The following NIPSNAP2 variants were observed in gnomAD, a reference collection of about 807,000 sequenced individuals.
The protein encoded by NIPSNAP2 is protein NipSnap homolog 2.
NIPSNAP2 carries 42 observed loss-of-function variants against 48.4 expected under a neutral mutation model. The ratio of observed to expected loss-of-function variants is 0.87; its 90% CI spans 0.68 to 1.12. NIPSNAP2 has a LOEUF of 1.12. Ranked by LOEUF, NIPSNAP2 falls within the 50% of genes most tolerant of loss-of-function variation. NIPSNAP2 has a pLI of 0.00. For missense variants in NIPSNAP2, 314 were observed against 347.3 expected, an observed-to-expected ratio of 0.90 and a Z score of 0.76; for synonymous variants, 158 against 126.6, an observed-to-expected ratio of 1.25 and a Z score of -1.67.
intron 1 of NIPSNAP2, among the ~76,000 whole-genome samples, chr7:55,976,870 G>C (rs1452794252): frequency 6.6e-6 from 1 of 152,066 alleles, no homozygotes; most frequent in Admixed American, 6.6e-5. Flanking sequence ...ACACCAGCCT[G>C]GGTGACAGGG....
At chr7:55,994,380 A>G (rs941127358) in intron 7 of NIPSNAP2, among the ~76,000 whole-genome samples, 1 of 152,234 alleles carries the variant, frequency 6.6e-6, no homozygotes, top group Non-Finnish European at 1.5e-5. Flanking sequence ...AAAAATTAGT[A>G]TAGCTACAGA....
chr7:55,997,913 A>G (rs1787595513), intron 9 of NIPSNAP2, among the ~76,000 whole-genome samples: 1 of 152,346 alleles, frequency 6.6e-6, no homozygotes. Context: ...GCATGTGCAC[A>G]TACATAAGTA....
At chr7:55,995,049 G>A (rs1787530441) in intron 8 of NIPSNAP2, 61 bp downstream of exon 8, 1 of 1,362,974 alleles carries the variant, frequency 7.3e-7, no homozygotes. Flanking sequence ...AGTTGTACTG[G>A]GAAGTAGAGC....
At chr7:55,967,632 A>T (rs1052975001) in intron 1 of NIPSNAP2, among the ~76,000 whole-genome samples, 1 of 142,708 alleles carries the variant, frequency 7.0e-6, no homozygotes, top group Non-Finnish European at 1.5e-5. Context: ...ATGCCCAGCT[A>T]TTATTTATTT....
intron 7 of NIPSNAP2, 141 bp from the exon 8 acceptor site, chr7:55,994,753 T>A: frequency 2.8e-6 from 2 of 704,240 alleles, no homozygotes; most frequent in South Asian, 3.4e-5. Flanking sequence ...TGATTTGCCT[T>A]AGATAACTTG....
At chr7:55,982,157 G>A in intron 4 of NIPSNAP2, 53 bp from the exon 5 acceptor site, 1 of 1,133,948 alleles carries the variant, frequency 8.8e-7, no homozygotes, top group Non-Finnish European at 1.3e-6. Context: ...ACATTTTCAA[G>A]TAGTAGTATC....
chr7:55,971,733 T>G (rs1157417158), intron 1 of NIPSNAP2, among the ~76,000 whole-genome samples: 1 of 152,154 alleles, frequency 6.6e-6, no homozygotes, highest in Non-Finnish European at 1.5e-5. Flanking sequence ...TGATTTTTAT[T>G]TCAAAGGCAT....
At chr7:55,988,430 C>A (rs1321980985) in intron 7 of NIPSNAP2, among the ~76,000 whole-genome samples, 1 of 152,070 alleles carries the variant, frequency 6.6e-6, no homozygotes, top group South Asian at 2.1e-4. Context: ...AGTTCCTGCA[C>A]ACTGGGACAG....
At chr7:55,974,645 G>A (rs1328019762) in intron 1 of NIPSNAP2, among the ~76,000 whole-genome samples, 2 of 151,790 alleles carry the variant, frequency 1.3e-5, no homozygotes, top group Admixed American at 6.6e-5. Context: ...TCAGGAGATC[G>A]AGACCATCCT....
rs1787075486 is a variant in NIPSNAP2 at position 55,974,728 on chromosome 7, G to A, written c.93-3398G>A. Among the ~76,000 whole-genome samples the A allele has an allele frequency of 3.3e-5, 5 of 151,860 alleles. No homozygotes were observed. The South Asian group carries it at 1.0e-3, about 32-fold the overall frequency. ...CCGGGTGTGGCGGCGGGCGCCTGTA[G>A]TCTCAGCTACTCAGGAGGGTGAGGC... On this transcript the variant is annotated intron_variant, in intron 1 of 9. Coordinates refer to ENST00000322090, the MANE Select transcript of NIPSNAP2 (RefSeq NM_001483.3).
intron 1 of NIPSNAP2, 53 bp downstream of exon 1, chr7:55,964,754 G>A: frequency 1.1e-6 from 1 of 936,076 alleles, no homozygotes; most frequent in Non-Finnish European, 1.3e-6. Flanking sequence ...GCCGCGAGGC[G>A]GAGGGCGCGG....
At chr7:55,987,721 G>T (rs972971382) in intron 7 of NIPSNAP2, among the ~76,000 whole-genome samples, 1 of 152,174 alleles carries the variant, frequency 6.6e-6, no homozygotes, top group Non-Finnish European at 1.5e-5. Context: ...GACAAATAGT[G>T]TATCATTCTC....
At chr7:55,968,486 A>G (rs1200008080) in intron 1 of NIPSNAP2, among the ~76,000 whole-genome samples, 1 of 151,704 alleles carries the variant, frequency 6.6e-6, no homozygotes, top group African/African-American at 2.4e-5. Context: ...CCCGGGTTCA[A>G]GTGATTCTCC....
intron 7 of NIPSNAP2, among the ~76,000 whole-genome samples, chr7:55,987,949 G>GT (rs1213747465): frequency 4.0e-5 from 6 of 151,890 alleles, no homozygotes; most frequent in Admixed American, 6.6e-5. Flanking sequence ...ATGTTAACGT[G>GT]TTTTTTTTAC....
rs138518850 is a variant in NIPSNAP2 at position 55,994,908 on chromosome 7, G to C, written c.632G>C (p.Arg211Pro). The change falls in exon 8 of 10, where the codon CGC (arginine) becomes CCC (proline). Residue 211 changes from arginine to proline, a missense_variant. Arg to Pro is a moderately radical substitution (Grantham distance 103). This residue lies in a region of NIPSNAP2 where 116 missense variants were observed against 161.8 expected (regional missense o/e 0.72). Coordinates refer to ENST00000322090, the MANE Select transcript of NIPSNAP2 (RefSeq NM_001483.3). Reference protein sequence around the residue: ...EWGNYWARAIRFRQDGNEAVG... With the variant: ...EWGNYWARAIPFRQDGNEAVG... ...CATTCTTACAGGGCTCGTGCAATCCGCTTCAGACAGGATGGTAACGAAGCC... is the reference window on the plus strand; with the variant it reads ...CATTCTTACAGGGCTCGTGCAATCCCCTTCAGACAGGATGGTAACGAAGCC... 6 of 1,614,008 alleles carry C rather than the reference G, an allele frequency of 3.7e-6. No homozygotes were observed. Among genetic ancestry groups the C allele is most frequent in the Non-Finnish European group, 5.1e-6 (6 of 1,179,906 alleles).
chr7:55,999,147 C>A lies in NIPSNAP2; in HGVS notation c.*75C>A. The A allele has an allele frequency of 1.5e-6, 2 of 1,295,146 alleles. No individual in the cohort carries two copies. The highest frequency in any genetic ancestry group is 2.2e-6 in the Non-Finnish European group (2 of 901,898). 80.2% of individuals were successfully genotyped at this position (1,295,146 alleles called of 1,614,324 possible). A position where few individuals can be genotyped will look rare whatever the true frequency, so the allele number is the denominator to read the frequency against. ...TCGTAAATTAATTTTAATTGTGTAT[C>A]AAGTGAAAAAGAAACACTGAGGTTT... On this transcript the variant is annotated 3_prime_UTR_variant, in exon 10 of 10. Transcript: ENST00000322090.
At chr7:55,991,855 G>T in intron 7 of NIPSNAP2, 1 of 255,442 alleles carries the variant, frequency 3.9e-6, no homozygotes, top group Non-Finnish European at 7.8e-6. Flanking sequence ...CACCTCGTCT[G>T]TACAGGCTTC....
chr7:55,966,822 T>G (rs1420834155), intron 1 of NIPSNAP2, among the ~76,000 whole-genome samples: 1 of 152,082 alleles, frequency 6.6e-6, no homozygotes, highest in Non-Finnish European at 1.5e-5. Flanking sequence ...TGTGTGAGAT[T>G]GCTTGAGGCG....
chr7:55,993,737 C>CA (rs1394399787), intron 7 of NIPSNAP2, among the ~76,000 whole-genome samples: 4 of 151,692 alleles, frequency 2.6e-5, no homozygotes, highest in Non-Finnish European at 4.4e-5. Context: ...AAGACTGTTT[C>CA]AAAAAAAATT....
Sources: gnomAD v4.1 joint callset for allele counts (sites outside exome capture counted in the v4.1 genomes callset) on GRCh38, gnomAD v4.1.1 for gene constraint, gnomAD v4.1.1 regional missense constraint, MANE v1.5 for transcripts, NCBI Gene and HGNC (gene_info 2026-07-23, HGNC 2026-07-21) for gene names.